Variants in PHACTR1 observed in about 807,000 individuals in gnomAD.
PHACTR1 encodes the protein RPEL repeat containing 1.
In PHACTR1, 16 loss-of-function variants were observed where a neutral mutation model predicts 69.2. The ratio of observed to expected loss-of-function variants is 0.23; its 90% CI spans 0.16 to 0.35. PHACTR1 has a LOEUF of 0.35. Ranked by LOEUF, PHACTR1 falls within the 10% of genes least tolerant of loss-of-function variation. The pLI is 1.00. For synonymous variants in PHACTR1, 312 were observed against 284.5 expected (o/e 1.10, Z -0.97); for missense variants, 510 against 734.7 (o/e 0.69, Z 3.54).
At chr6:12,777,005 A>G (rs1404871862) in intron 4 of PHACTR1, among the ~76,000 whole-genome samples, 1 of 152,216 alleles carries the variant, frequency 6.6e-6, no homozygotes, top group Non-Finnish European at 1.5e-5. Flanking sequence ...TCATTTTAAA[A>G]TACACTCATG....
At chr6:13,010,594 A>C (rs1451375843) in intron 4 of PHACTR1, among the ~76,000 whole-genome samples, 1 of 152,200 alleles carries the variant, frequency 6.6e-6, no homozygotes, top group Non-Finnish European at 1.5e-5. Context: ...ATTCCGGGCT[A>C]GAGCTTGAAG....
chr6:12,895,023 G>T (rs1784516406), intron 4 of PHACTR1, among the ~76,000 whole-genome samples: 1 of 152,000 alleles, frequency 6.6e-6, no homozygotes, highest in African/African-American at 2.4e-5. Context: ...GCACACCAGG[G>T]TTTCTCTGTA....
chr6:13,224,934 C>T (rs768532011), intron 8 of PHACTR1, among the ~76,000 whole-genome samples: 5 of 152,132 alleles, frequency 3.3e-5, no homozygotes, highest in African/African-American at 7.2e-5. Flanking sequence ...CATCTGAGGC[C>T]GTGTCAACAG....
intron 4 of PHACTR1, among the ~76,000 whole-genome samples, chr6:13,019,667 A>G (rs2127665102): frequency 6.6e-6 from 1 of 152,374 alleles, no homozygotes; most frequent in African/African-American, 2.4e-5. Context: ...GTTTAGGAGA[A>G]GACATATTTA....
chr6:13,211,990 G>A (rs1434481209), intron 8 of PHACTR1, among the ~76,000 whole-genome samples: 2 of 152,210 alleles, frequency 1.3e-5, no homozygotes, highest in East Asian at 1.9e-4. Context: ...CTAGAAGTCC[G>A]AGATCAAGGT....
chr6:12,929,163 G>A (rs1325331330), intron 4 of PHACTR1, among the ~76,000 whole-genome samples: 2 of 152,178 alleles, frequency 1.3e-5, no homozygotes, highest in Admixed American at 6.5e-5. Context: ...AACAAAAGGA[G>A]GGACCCCTTG....
chr6:12,999,074 C>G (rs1056220940), intron 4 of PHACTR1, among the ~76,000 whole-genome samples: 5 of 152,122 alleles, frequency 3.3e-5, no homozygotes, highest in African/African-American at 1.2e-4. Context: ...TGCACGTACC[C>G]CATGACACAG....
At chr6:12,854,430 T>TA (rs1780131077) in intron 4 of PHACTR1, among the ~76,000 whole-genome samples, 2 of 152,326 alleles carry the variant, frequency 1.3e-5, no homozygotes, top group African/African-American at 2.4e-5. Flanking sequence ...TTGTTAGCAT[T>TA]TTCCCTTATT....
At chr6:12,922,745 G>A (rs1197188406) in intron 4 of PHACTR1, among the ~76,000 whole-genome samples, 2 of 152,096 alleles carry the variant, frequency 1.3e-5, no homozygotes, top group Non-Finnish European at 2.9e-5. Flanking sequence ...TAGATCTGAA[G>A]GACTTACTAG....
rs1053347432 is a variant in PHACTR1, at chr6:13,259,348, T to A, written c.1392-13512T>A. Among the ~76,000 whole-genome samples, 11 of 152,288 alleles carry A rather than the reference T, an allele frequency of 7.2e-5. 1 individual carries two copies. The highest frequency in any genetic ancestry group is 1.9e-4 in the East Asian group (1 of 5,188). ...ATTTGATGCCTAGTAATACACACAG[T>A]CCCATCATTACTCCAAAAGTGATTT... is the stretch of plus-strand genomic sequence containing the variant. On this transcript the variant is annotated intron_variant, in intron 10 of 14. Coordinates refer to ENST00000332995, the MANE Select transcript of PHACTR1 (RefSeq NM_030948.6).
chr6:12,725,683 ATTAG>A (rs1762692519), intron 3 of PHACTR1, among the ~76,000 whole-genome samples: 1 of 152,146 alleles, frequency 6.6e-6, no homozygotes, highest in African/African-American at 2.4e-5. Flanking sequence ...ATTGTTATTG[ATTAG>A]TTATTGATAC....
At chr6:13,097,925 T>C (rs1331077791) in intron 5 of PHACTR1, among the ~76,000 whole-genome samples, 1 of 152,120 alleles carries the variant, frequency 6.6e-6, no homozygotes, top group Non-Finnish European at 1.5e-5. Flanking sequence ...TCTGGGTTGC[T>C]CCTCCTGTTA....
intron 3 of PHACTR1, among the ~76,000 whole-genome samples, chr6:12,727,977 C>T (rs886488042): frequency 6.6e-6 from 1 of 151,896 alleles, no homozygotes; most frequent in Non-Finnish European, 1.5e-5. Context: ...ATCATAAAAG[C>T]AAAGCAAGGG....
chr6:13,219,934 A>G (rs1195182809), intron 8 of PHACTR1, among the ~76,000 whole-genome samples: 1 of 152,194 alleles, frequency 6.6e-6, no homozygotes, highest in Non-Finnish European at 1.5e-5. Context: ...CTGGGTGGGA[A>G]GACCTGAGTT....
intron 4 of PHACTR1, among the ~76,000 whole-genome samples, chr6:12,865,134 C>T (rs1363594775): frequency 6.6e-6 from 1 of 152,124 alleles, no homozygotes; most frequent in African/African-American, 2.4e-5. Flanking sequence ...CCCAGGAAAA[C>T]CCCCAGTCCC....
chr6:13,100,506 C>G (rs1347504736), intron 5 of PHACTR1, among the ~76,000 whole-genome samples: 3 of 152,148 alleles, frequency 2.0e-5, no homozygotes, highest in African/African-American at 7.2e-5. Context: ...CTCTCTGTCT[C>G]CATACCTGAG....
intron 6 of PHACTR1, among the ~76,000 whole-genome samples, chr6:13,173,747 T>G (rs1354471653): frequency 1.3e-5 from 2 of 152,188 alleles, no homozygotes; most frequent in Non-Finnish European, 2.9e-5. Context: ...TCACTCTTGT[T>G]GCCCAGGCTG....
At chr6:12,795,661 A>G (rs1772890927) in intron 4 of PHACTR1, among the ~76,000 whole-genome samples, 1 of 152,110 alleles carries the variant, frequency 6.6e-6, no homozygotes. Flanking sequence ...TGAATTTTTC[A>G]TTGTGCCCAT....
chr6:13,118,360 C>T (rs1818123826), intron 5 of PHACTR1, among the ~76,000 whole-genome samples: 1 of 152,054 alleles, frequency 6.6e-6, no homozygotes, highest in African/African-American at 2.4e-5. Context: ...AGCAAGGAAT[C>T]AAGAAGCCAC....
Sources: gnomAD v4.1 joint callset for allele counts (sites outside exome capture counted in the v4.1 genomes callset) on GRCh38, gnomAD v4.1.1 for gene constraint, MANE v1.5 for transcripts, NCBI Gene and HGNC (gene_info 2026-07-23, HGNC 2026-07-21) for gene names.